ACSL3: variants seen among roughly 807,000 people sequenced by gnomAD.
ACSL3 encodes fatty acid CoA ligase Acsl3.
In ACSL3, 34 loss-of-function variants were observed where a neutral mutation model predicts 84.7. That is an observed-to-expected ratio of 0.40 (90% confidence interval 0.31 to 0.53). The LOEUF (loss-of-function observed/expected upper bound fraction) is 0.53, where lower values mean the gene tolerates loss of function less well. ACSL3 is among the 20% of genes least tolerant of loss of function. The pLI is 0.48. For synonymous variants in ACSL3, 315 were observed against 299.4 expected (o/e 1.05, Z -0.54); for missense variants, 680 against 873.1 (o/e 0.78, Z 2.79).
chr2:222,934,016 G>A (rs926622350), intron 15 of ACSL3, among the ~76,000 whole-genome samples: 44 of 152,088 alleles, frequency 2.9e-4, no homozygotes, highest in African/African-American at 1.0e-3. Flanking sequence ...ACTATTTTAT[G>A]GCCTTCAAAA....
At chr2:222,891,197 G>T (rs1369096724) in intron 2 of ACSL3, among the ~76,000 whole-genome samples, 1 of 152,186 alleles carries the variant, frequency 6.6e-6, no homozygotes, top group Admixed American at 6.5e-5. Context: ...TGTAGGAAAT[G>T]ATTGGAATAA....
intron 3 of ACSL3, among the ~76,000 whole-genome samples, chr2:222,908,377 T>G (rs1696352367): frequency 6.6e-6 from 1 of 152,188 alleles, no homozygotes; most frequent in South Asian, 2.1e-4. Flanking sequence ...TGTAAAGTAC[T>G]TGCCATCCCT....
intron 4 of ACSL3, among the ~76,000 whole-genome samples, chr2:222,911,045 C>CTTTTT (rs781161368): frequency 1.6e-5 from 2 of 123,548 alleles, no homozygotes; most frequent in African/African-American, 2.8e-5. Flanking sequence ...CTGGCACTGC[C>CTTTTT]TTTTTTTTTT....
At chr2:222,934,434 AATG>A (rs574884438) in intron 15 of ACSL3, 93 bp from the exon 16 acceptor site, 384 of 1,040,672 alleles carry the variant, frequency 3.7e-4, no homozygotes, top group Non-Finnish European at 4.7e-4. Flanking sequence ...TTTTAAAAAA[AATG>A]AGGAGTTATT....
chr2:222,936,881 A>AGGG (rs978243274), intron 16 of ACSL3, among the ~76,000 whole-genome samples: 9 of 152,124 alleles, frequency 5.9e-5, no homozygotes, highest in Admixed American at 5.9e-4. Flanking sequence ...GAGAAAGCGA[A>AGGG]GGGGGAAGAG....
chr2:222,888,413 C>T (rs913146239), intron 2 of ACSL3, among the ~76,000 whole-genome samples: 5 of 152,008 alleles, frequency 3.3e-5, no homozygotes, highest in Admixed American at 6.6e-5. Flanking sequence ...AATTTAAGGA[C>T]GAAGGTTTTT....
At position 222,919,054 on chromosome 2, in the gene ACSL3, G is replaced by A. The variant is rs1264921953; in HGVS notation, c.667-10G>A. On this transcript the variant is annotated splice_polypyrimidine_tract_variant and intron_variant, in intron 6 of 16. Transcript: ENST00000357430. ...AATAATGAACGTGATGAATGTTGGTGTATTTCTAGGATATAGTTTCTTTGG... is the reference window on the plus strand; with the variant it reads ...AATAATGAACGTGATGAATGTTGGTATATTTCTAGGATATAGTTTCTTTGG... 2 of 1,612,144 alleles carry A rather than the reference G, an allele frequency of 1.2e-6. No homozygotes were observed. Among genetic ancestry groups the A allele is most frequent in the South Asian group, 1.1e-5 (1 of 90,860 alleles).
At chr2:222,870,258 C>T (rs1695264852) in intron 1 of ACSL3, among the ~76,000 whole-genome samples, 1 of 152,090 alleles carries the variant, frequency 6.6e-6, no homozygotes, top group African/African-American at 2.4e-5. Flanking sequence ...GTGTCTTTGA[C>T]TTTATCAGTT....
rs148784205 is a variant in ACSL3 at position 222,930,710 on chromosome 2, G to A, written c.1630G>A (p.Ala544Thr). The change falls in exon 14 of 17, where the codon GCA (alanine) becomes ACA (threonine). Residue 544 changes from alanine to threonine, a missense_variant. By Grantham distance (58) the Ala-to-Thr change is moderately conservative. Around this residue, in one of 2 missense-constraint regions of ACSL3, gnomAD observed 347 missense variants for 525.7 expected, o/e 0.66. Transcript: ENST00000357430. ...SVTMGYYKNE[A>T]KTKADFFEDE... is the part of the protein sequence containing the mutation. ...GACAATGGGGTACTACAAAAATGAA[G>A]CAAAAACAAAAGCTGATTTCTTTGA... 6.8e-6 allele frequency: 11 copies of A among 1,613,958 alleles called. No homozygotes were observed. The African/African-American group carries it at 1.5e-4, about 22-fold the overall frequency.
intron 1 of ACSL3, among the ~76,000 whole-genome samples, chr2:222,875,404 A>G (rs1695419527): frequency 6.6e-6 from 1 of 151,294 alleles, no homozygotes. Flanking sequence ...GATCAGGATA[A>G]TAATGAGTTG....
chr2:222,877,157 A>G lies in ACSL3; in HGVS notation c.-206-10673A>G, dbSNP rs138766426. 6.3e-3 allele frequency among the ~76,000 whole-genome samples: 966 copies of G among 152,266 alleles called. 4 individuals are homozygous for G. The highest frequency in any genetic ancestry group is 0.02 in the Middle Eastern group (6 of 294). On this transcript the variant is annotated intron_variant, in intron 1 of 16. Transcript: ENST00000357430. ...AGGCAGGGGGAGGCCTGATAGATTG[A>G]GAAAGATGGTGGAGAGCTCAAGGGG...
rs766104754 is a variant in ACSL3, at chr2:222,919,068, T to C, written c.671T>C (p.Ile224Thr). 6.2e-7 allele frequency: 1 copy of C among 1,613,586 alleles called. No homozygotes were observed. The highest frequency in any genetic ancestry group is 8.5e-7 in the Non-Finnish European group (1 of 1,179,768). ...KELLQTKLKD[I>T]VSLVPRLRHI... ...TGAATGTTGGTGTATTTCTAGGATA[T>C]AGTTTCTTTGGTCCCACGCCTGCGG... Residue 224 changes from isoleucine to threonine, a missense_variant, in exon 7 of 17, where the codon ATA (isoleucine) becomes ACA (threonine). Transcript: ENST00000357430.
At position 222,941,861 on chromosome 2, in the gene ACSL3, A is replaced by C; in HGVS notation, c.*207A>C. 1.0e-5 allele frequency: 5 copies of C among 496,710 alleles called. No individual in the cohort carries two copies. Among genetic ancestry groups the C allele is most frequent in the Middle Eastern group, 1.1e-3 (2 of 1,846 alleles). The allele number at this position is 496,710 out of a possible 1,614,324, so 30.8% of individuals were successfully genotyped here. A position where few individuals can be genotyped will look rare whatever the true frequency, so the allele number is the denominator to read the frequency against. On this transcript the variant is annotated 3_prime_UTR_variant, in exon 17 of 17. Coordinates refer to ENST00000357430, the MANE Select transcript of ACSL3 (RefSeq NM_004457.5). ...CTCTTCTTTCATTTTCCCCGCCACC[A>C]ACTTACTTTACCACCTATGACTGTA...
intron 8 of ACSL3, 100 bp from the exon 9 acceptor site, chr2:222,922,608 T>A: frequency 1.4e-6 from 2 of 1,463,772 alleles, no homozygotes; most frequent in South Asian, 2.5e-5. Flanking sequence ...ATTGATGCCC[T>A]GGGGCCCTTC....
At chr2:222,871,102 G>A (rs146771529) in intron 1 of ACSL3, among the ~76,000 whole-genome samples, 27 of 152,270 alleles carry the variant, frequency 1.8e-4, no homozygotes, top group African/African-American at 6.5e-4. Flanking sequence ...GGAGGCAGGG[G>A]ATGACAGAGG....
chr2:222,923,347 A>T (rs936891070), intron 10 of ACSL3, among the ~76,000 whole-genome samples, 198 bp downstream of exon 10: 1 of 152,208 alleles, frequency 6.6e-6, no homozygotes, highest in Non-Finnish European at 1.5e-5. Context: ...TAAGCACTCA[A>T]CTTAATTTCA....
At chr2:222,874,818 T>G (rs1695404649) in intron 1 of ACSL3, among the ~76,000 whole-genome samples, 1 of 151,908 alleles carries the variant, frequency 6.6e-6, no homozygotes, top group Non-Finnish European at 1.5e-5. Context: ...TTTTATAGAT[T>G]TACAGTTTTT....
intron 1 of ACSL3, among the ~76,000 whole-genome samples, chr2:222,875,102 G>A (rs17780803): frequency 0.099 from 14,957 of 150,898 alleles, 821 homozygotes; most frequent in Non-Finnish European, 0.13. Context: ...CTAATGTTAA[G>A]GATAATATAT....
intron 1 of ACSL3, among the ~76,000 whole-genome samples, chr2:222,872,932 G>A (rs1574516611): frequency 6.6e-6 from 1 of 152,016 alleles, no homozygotes; most frequent in Non-Finnish European, 1.5e-5. Context: ...GAAGCTGGAT[G>A]CAAAAATAAA....
Sources: allele counts gnomAD v4.1 joint callset (sites outside exome capture counted in the v4.1 genomes callset), GRCh38; gene constraint gnomAD v4.1.1; regional missense constraint gnomAD v4.1.1; transcripts MANE v1.5; gene names NCBI Gene and HGNC (gene_info 2026-07-23, HGNC 2026-07-21).